The following MIPOL1 variants were observed in gnomAD, a reference collection of about 807,000 sequenced individuals.
MIPOL1 encodes mirror-image polydactyly 1, also known as mirror-image polydactyly gene 1 protein.
In MIPOL1, 57 loss-of-function variants were observed where a neutral mutation model predicts 60.9. The observed-to-expected ratio is 0.94, with a 90% CI of 0.76 to 1.17. The LOEUF is 1.17. Ranked by LOEUF, MIPOL1 falls within the 50% of genes most tolerant of loss-of-function variation. The pLI is 0.00. For synonymous variants in MIPOL1, 179 were observed against 168.8 expected, an observed-to-expected ratio of 1.06 and a Z score of -0.47; for missense variants, 551 against 511.6, an observed-to-expected ratio of 1.08 and a Z score of -0.74.
intron 12 of MIPOL1, among the ~76,000 whole-genome samples, chr14:37,532,266 A>G (rs1353248423): frequency 6.6e-6 from 1 of 152,182 alleles, no homozygotes; most frequent in Non-Finnish European, 1.5e-5. Flanking sequence ...CACACTTAAG[A>G]TCATTGTAAC....
At chr14:37,321,439 G>T (rs1457240960) in intron 9 of MIPOL1, among the ~76,000 whole-genome samples, 1 of 151,872 alleles carries the variant, frequency 6.6e-6, no homozygotes, top group Admixed American at 6.6e-5. Context: ...TAATTCCCTG[G>T]TGGTGAGAAA....
Position 37,270,591 on chromosome 14 carries a change from T to TTGGTGAA in MIPOL1, c.493+68_493+74dup, listed in dbSNP as rs915842910. On this transcript the variant is annotated intron_variant, in intron 6 of 12. Transcript: ENST00000684589. ...ACACAAGGTTATTATATGATGTATC[T>TTGGTGAA]TGGTGAATACTAGCATACTGGCTTA... is the stretch of plus-strand genomic sequence containing the variant. 1.5e-5 allele frequency: 12 copies of TTGGTGAA among 805,018 alleles called. No individual in the cohort carries two copies. In the East Asian group the frequency reaches 1.5e-4, roughly 10 times the overall value. The allele number at this position is 805,018 out of a possible 1,614,324, so 49.9% of individuals were successfully genotyped here.
chr14:37,199,279 A>C (rs975520001), intron 1 of MIPOL1, among the ~76,000 whole-genome samples: 4 of 152,180 alleles, frequency 2.6e-5, no homozygotes, highest in Admixed American at 6.5e-5. Flanking sequence ...AAAGGTAATC[A>C]TTATCTGGAC....
chr14:37,411,636 C>T (rs2093683075), intron 10 of MIPOL1, among the ~76,000 whole-genome samples: 1 of 152,150 alleles, frequency 6.6e-6, no homozygotes, highest in Non-Finnish European at 1.5e-5. Flanking sequence ...AACACAGCCA[C>T]ATCTGTTCAT....
intron 9 of MIPOL1, among the ~76,000 whole-genome samples, chr14:37,355,700 G>A (rs1366470412): frequency 7.6e-6 from 1 of 132,298 alleles, no homozygotes; most frequent in African/African-American, 2.8e-5. Context: ...TGATCGCATC[G>A]GCTCCTGAGG....
chr14:37,537,710 G>A (rs1311357896), intron 12 of MIPOL1, among the ~76,000 whole-genome samples: 1 of 152,094 alleles, frequency 6.6e-6, no homozygotes, highest in Non-Finnish European at 1.5e-5. Context: ...TTCACGATTT[G>A]GCTTTGATAA....
At chr14:37,256,188 C>T (rs1287837718) in intron 3 of MIPOL1, among the ~76,000 whole-genome samples, 1 of 151,808 alleles carries the variant, frequency 6.6e-6, no homozygotes, top group Non-Finnish European at 1.5e-5. Flanking sequence ...ATGTTCTCCC[C>T]ACTCCAGAAA....
Position 37,351,371 on chromosome 14 carries a change from G to A in MIPOL1, c.829-18146G>A, listed in dbSNP as rs1272627978. On this transcript the variant is annotated intron_variant, in intron 9 of 12. Coordinates refer to ENST00000684589, the MANE Select transcript of MIPOL1 (RefSeq NM_001388067.1). ...GTGAATAATGCCGCAATAAACATAC[G>A]TGTGCATGTGTCTTTATAGCAGCAT... Among the ~76,000 whole-genome samples the A allele has an allele frequency of 9.2e-3, 1,347 of 146,584 alleles. 16 individuals are homozygous for A. The highest frequency in any genetic ancestry group is 0.032 in the African/African-American group (1,277 of 39,822).
At chr14:37,536,018 C>A (rs1373074079) in intron 12 of MIPOL1, among the ~76,000 whole-genome samples, 1 of 152,140 alleles carries the variant, frequency 6.6e-6, no homozygotes, top group Non-Finnish European at 1.5e-5. Context: ...AATCCTCCAA[C>A]CTCGGCCTTC....
At chr14:37,502,506 C>T (rs1287434416) in intron 12 of MIPOL1, 1 of 152,520 alleles carries the variant, frequency 6.6e-6, no homozygotes, top group Non-Finnish European at 1.5e-5. Flanking sequence ...CAGCAAACTC[C>T]AACAGACCTG....
chr14:37,407,762 A>C (rs753353652), intron 10 of MIPOL1, among the ~76,000 whole-genome samples: 1 of 151,580 alleles, frequency 6.6e-6, no homozygotes. Context: ...TACTATTCTT[A>C]ATCATTTAAT....
chr14:37,499,505 G>A (rs1450111650), intron 11 of MIPOL1, among the ~76,000 whole-genome samples: 1 of 152,044 alleles, frequency 6.6e-6, no homozygotes, highest in Non-Finnish European at 1.5e-5. Flanking sequence ...TAAGTGCTTG[G>A]CAGAATAGAC....
In MIPOL1 at chr14:37,405,900, G is replaced by GTT. The variant is rs57253765; in HGVS notation, c.937-16944_937-16943dup. Among the ~76,000 whole-genome samples the GTT allele has an allele frequency of 9.0e-3, 1,260 of 140,670 alleles. 17 individuals are homozygous for GTT. The highest frequency in any genetic ancestry group is 0.028 in the African/African-American group (1,122 of 39,410). 92.3% of individuals were successfully genotyped at this position (140,670 alleles called of 152,430 possible). On this transcript the variant is annotated intron_variant, in intron 10 of 12. Coordinates refer to ENST00000684589, the MANE Select transcript of MIPOL1 (RefSeq NM_001388067.1). ...ATTAAAATATTTTCCTTTTTTAAGA[G>GTT]TTTTTTTTTTTTCAGTTTTCATGGC...
intron 1 of MIPOL1, among the ~76,000 whole-genome samples, chr14:37,238,786 C>CAA (rs778152612): frequency 4.6e-5 from 4 of 86,898 alleles, no homozygotes; most frequent in African/African-American, 1.1e-4. Context: ...CCCACTTCTA[C>CAA]AAAAAAAAAA....
chr14:37,508,011 C>A (rs1271828270), intron 12 of MIPOL1, among the ~76,000 whole-genome samples: 1 of 151,970 alleles, frequency 6.6e-6, no homozygotes. Flanking sequence ...TATTTAATTG[C>A]CATCAATTTG....
At chr14:37,240,055 T>C (rs1423457558) in intron 1 of MIPOL1, among the ~76,000 whole-genome samples, 1 of 152,246 alleles carries the variant, frequency 6.6e-6, no homozygotes, top group Non-Finnish European at 1.5e-5. Flanking sequence ...TGTCTTACTC[T>C]GTCGCCCAGG....
chr14:37,537,604 A>G (rs2095511998), intron 12 of MIPOL1, among the ~76,000 whole-genome samples: 1 of 152,128 alleles, frequency 6.6e-6, no homozygotes, highest in Non-Finnish European at 1.5e-5. Context: ...GTTCCTATCC[A>G]TTTAATAGTG....
intron 11 of MIPOL1, among the ~76,000 whole-genome samples, chr14:37,438,220 A>G (rs74045647): frequency 0.081 from 12,367 of 152,260 alleles, 1,692 homozygotes; most frequent in African/African-American, 0.28. Context: ...TATGAAAAAC[A>G]TGTTTTCCAA....
intron 9 of MIPOL1, among the ~76,000 whole-genome samples, chr14:37,368,964 A>G (rs922439544): frequency 2.0e-5 from 3 of 152,034 alleles, no homozygotes. Context: ...AAAATGGGAG[A>G]AATTAAAAAC....
Sources: allele counts gnomAD v4.1 joint callset (sites outside exome capture counted in the v4.1 genomes callset), GRCh38; gene constraint gnomAD v4.1.1; transcripts MANE v1.5; gene names NCBI Gene and HGNC (gene_info 2026-07-23, HGNC 2026-07-21).